The following RFTN1 variants were observed in gnomAD, a reference collection of about 807,000 sequenced individuals.
The protein encoded by RFTN1 is raftlin, lipid raft linker 1.
A neutral mutation model predicts 46.5 loss-of-function variants in RFTN1; 26 were observed. The ratio of observed to expected loss-of-function variants is 0.56; its 90% CI spans 0.41 to 0.78. The LOEUF is 0.78. Ranked by LOEUF, RFTN1 falls within the 30% of genes least tolerant of loss-of-function variation. The probability of loss-of-function intolerance (pLI) is 0.00; values close to 1 mark genes in which losing one functional copy is unlikely to be tolerated. For synonymous variants in RFTN1, 261 were observed against 284.2 expected (o/e 0.92, Z 0.82); for missense variants, 693 against 718.7 (o/e 0.96, Z 0.41).
At chr3:16,501,675 T>A (rs1412636653) in intron 1 of RFTN1, among the ~76,000 whole-genome samples, 2 of 152,258 alleles carry the variant, frequency 1.3e-5, no homozygotes, top group East Asian at 3.8e-4. Flanking sequence ...GACGCAAGCA[T>A]GTTTATTACT....
At chr3:16,432,518 A>G (rs543129096) in intron 3 of RFTN1, among the ~76,000 whole-genome samples, 3 of 152,216 alleles carry the variant, frequency 2.0e-5, no homozygotes, top group South Asian at 2.1e-4. Flanking sequence ...ACCCCATCTC[A>G]AGGAAATAAA....
At chr3:16,467,731 T>G (rs1375281380) in intron 2 of RFTN1, among the ~76,000 whole-genome samples, 1 of 152,086 alleles carries the variant, frequency 6.6e-6, no homozygotes, top group Non-Finnish European at 1.5e-5. Flanking sequence ...TTCAGGGGCA[T>G]GCAAGTGAAT....
At chr3:16,415,994 G>A (rs970426690) in intron 3 of RFTN1, 5 of 270,834 alleles carry the variant, frequency 1.8e-5, no homozygotes, top group Non-Finnish European at 3.7e-5. Flanking sequence ...GAATAGCTTG[G>A]CTCCTTGAAA....
Position 16,402,615 on chromosome 3 carries a change from A to T in RFTN1, c.441+6760T>A, listed in dbSNP as rs1270363204. On this transcript the variant is annotated intron_variant, in intron 4 of 9. Transcript: ENST00000334133. The surrounding 1 kb of genome is among the most constrained non-coding windows in gnomAD (Gnocchi z 4.5). Reference sequence around the variant, plus strand: ...AGAAATGAAACTCTGAATACTCAACAATCAGCCAGAAAGTAAATGATGAGT... The same window carrying T: ...AGAAATGAAACTCTGAATACTCAACTATCAGCCAGAAAGTAAATGATGAGT... Among the ~76,000 whole-genome samples the T allele has an allele frequency of 6.6e-6, 1 of 152,198 alleles. No individual in the cohort carries two copies. The highest frequency in any genetic ancestry group is 2.4e-5 in the African/African-American group (1 of 41,448).
Position 16,418,259 on chromosome 3 carries a change from G to T in RFTN1, c.333-8776C>A, listed in dbSNP as rs1192254136. On this transcript the variant is annotated intron_variant, in intron 3 of 9. Transcript: ENST00000334133. This position sits in a 1 kb window ranked among gnomAD's most constrained non-coding sequence, Gnocchi z 5.0. ...GGCCACTAAAAAACAATTGCCTGTC[G>T]AAAAACTATTATAAACTATACTTCT... Among the ~76,000 whole-genome samples the T allele has an allele frequency of 6.6e-6, 1 of 152,116 alleles. No individual in the cohort carries two copies. The highest frequency in any genetic ancestry group is 2.4e-5 in the African/African-American group (1 of 41,428).
intron 3 of RFTN1, among the ~76,000 whole-genome samples, chr3:16,417,959 G>A (rs1325098724): frequency 3.3e-5 from 5 of 152,066 alleles, no homozygotes; most frequent in Admixed American, 2.0e-4. Flanking sequence ...CCTCCAGCTC[G>A]GCATCCCAAA....
intron 7 of RFTN1, among the ~76,000 whole-genome samples, chr3:16,340,804 A>G (rs1477986019): frequency 1.3e-5 from 2 of 152,154 alleles, no homozygotes; most frequent in Non-Finnish European, 2.9e-5. Flanking sequence ...CAAAGGTGAA[A>G]TTTGTTTCCG....
At chr3:16,414,599 A>T in intron 3 of RFTN1, among the ~76,000 whole-genome samples, 2 of 138,242 alleles carry the variant, frequency 1.4e-5, no homozygotes, top group Non-Finnish European at 3.2e-5. Flanking sequence ...GTGAGACTTC[A>T]TCTCAAAAAA....
rs531242901 is a variant in RFTN1, at chr3:16,337,881, C to T, written c.1147-11005G>A. ...CACCTAGCCCTTATTTGCTCCAGGC[C>T]GGACACTTTGGCCTTGCATTACCTC... On this transcript the variant is annotated intron_variant, in intron 7 of 9. Transcript: ENST00000334133. This position sits in a 1 kb window ranked among gnomAD's most constrained non-coding sequence, Gnocchi z 5.0. 9.9e-5 allele frequency among the ~76,000 whole-genome samples: 15 copies of T among 152,200 alleles called. No homozygotes were observed. Among genetic ancestry groups the T allele is most frequent in the East Asian group, 1.9e-4 (1 of 5,200 alleles).
In RFTN1 at chr3:16,445,483, TCACACACACACACACACA is replaced by T. The variant is rs10681518; in HGVS notation, c.146-11464_146-11447del. ...TTCTCTCTTTCTCTCTCTCTCTCTC[TCACACACACACACACACA>T]CACACACACACACACACACAGCTCT... On this transcript the variant is annotated intron_variant, in intron 2 of 9. Transcript: ENST00000334133. Among the ~76,000 whole-genome samples the T allele has an allele frequency of 6.0e-3, 763 of 126,860 alleles. 10 individuals are homozygous for T. The highest frequency in any genetic ancestry group is 0.022 in the African/African-American group (716 of 32,716). The allele number at this position is 126,860 out of a possible 152,430, so 83.2% of individuals were successfully genotyped here. A position where few individuals can be genotyped will look rare whatever the true frequency, so the allele number is the denominator to read the frequency against.
At chr3:16,503,092 C>T (rs1253285948) in intron 1 of RFTN1, among the ~76,000 whole-genome samples, 1 of 152,166 alleles carries the variant, frequency 6.6e-6, no homozygotes, top group Non-Finnish European at 1.5e-5. Context: ...CTTACCCCCA[C>T]TCCTCCAACT....
chr3:16,509,232 G>T lies in RFTN1; in HGVS notation c.-9+4210C>A, dbSNP rs1279868559. ...CAAAAAAAAACTAAAGAAAATGATTGCAGTGTATCATTTCCTGTAACGCTG... is the reference window on the plus strand; with the variant it reads ...CAAAAAAAAACTAAAGAAAATGATTTCAGTGTATCATTTCCTGTAACGCTG... On this transcript the variant is annotated intron_variant, in intron 1 of 9. Transcript: ENST00000334133. This position sits in a 1 kb window ranked among gnomAD's most constrained non-coding sequence, Gnocchi z 4.9. Among the ~76,000 whole-genome samples, 1 of 152,106 alleles carries T rather than the reference G, an allele frequency of 6.6e-6. No homozygotes were observed. Among genetic ancestry groups the T allele is most frequent in the East Asian group, 1.9e-4 (1 of 5,196 alleles).
chr3:16,358,044 G>A lies in RFTN1; in HGVS notation c.1034C>T (p.Ser345Phe). ...TACTCCATCTGTCAAGCCATGTAAGGAATCTGTGGAAAAAGAAAAAGGCGG... is the reference window on the plus strand; with the variant it reads ...TACTCCATCTGTCAAGCCATGTAAGAAATCTGTGGAAAAAGAAAAAGGCGG... ...AVFYLGIVND[S>F]LHGLTDGVFI... Residue 345 changes from serine to phenylalanine, a missense_variant, in exon 7 of 10, where the codon TCC becomes TTC. Ser to Phe is a radical substitution (Grantham distance 155). Coordinates refer to ENST00000334133, the MANE Select transcript of RFTN1 (RefSeq NM_015150.2). 2.3e-6 allele frequency: 2 copies of A among 871,854 alleles called. No homozygotes were observed. Among genetic ancestry groups the A allele is most frequent in the Non-Finnish European group, 3.4e-6 (2 of 585,180 alleles). 54.0% of individuals were successfully genotyped at this position (871,854 alleles called of 1,614,324 possible).
Position 16,316,908 on chromosome 3 carries a change from C to T in RFTN1, c.1657G>A (p.Gly553Arg). 6.2e-7 allele frequency: 1 copy of T among 1,614,136 alleles called. No homozygotes were observed. The highest frequency in any genetic ancestry group is 1.1e-5 in the South Asian group (1 of 91,084). ...GCATCCTCTCCAGGATTGGAGTGCC[C>T]AGTGCAAATCCCCACCAGGGCCCTG... ...HSRALVGICT[G>R]HSNPGEDARD... Residue 553 changes from glycine (G) to arginine (R), a missense_variant, in exon 10 of 10, where the codon GGG becomes AGG. Coordinates refer to ENST00000334133, the MANE Select transcript of RFTN1 (RefSeq NM_015150.2). The surrounding 1 kb of genome is among the most constrained non-coding windows in gnomAD (Gnocchi z 4.5).
At chr3:16,482,359 G>C (rs2076380755) in intron 2 of RFTN1, among the ~76,000 whole-genome samples, 1 of 152,192 alleles carries the variant, frequency 6.6e-6, no homozygotes, top group Non-Finnish European at 1.5e-5. Context: ...CAACCACTCA[G>C]TCTATTCTCA....
intron 7 of RFTN1, among the ~76,000 whole-genome samples, chr3:16,330,535 T>G (rs2070207766): frequency 6.6e-6 from 1 of 152,238 alleles, no homozygotes; most frequent in Non-Finnish European, 1.5e-5. Context: ...AAAGCCAGCC[T>G]GCTTATCAAA....
At chr3:16,328,030 T>C (rs544598064) in intron 7 of RFTN1, among the ~76,000 whole-genome samples, 46 of 152,354 alleles carry the variant, frequency 3.0e-4, no homozygotes, top group African/African-American at 1.0e-3. Context: ...CCACCCTGTA[T>C]GCCCACATAG....
Position 16,353,117 on chromosome 3 carries a change from G to A in RFTN1, c.1146+4815C>T, listed in dbSNP as rs1559850805. Among the ~76,000 whole-genome samples the A allele has an allele frequency of 6.6e-6, 1 of 152,186 alleles. No homozygotes were observed. Among genetic ancestry groups the A allele is most frequent in the African/African-American group, 2.4e-5 (1 of 41,444 alleles). On this transcript the variant is annotated intron_variant, in intron 7 of 9. Coordinates refer to ENST00000334133, the MANE Select transcript of RFTN1 (RefSeq NM_015150.2). The surrounding 1 kb of genome is among the most constrained non-coding windows in gnomAD (Gnocchi z 5.4). Reference sequence around the variant, plus strand: ...AGAAAGAGCTGGGCAGGGACGTTTTGTGGTCGGAGAGCTAGAGATTATAGG... The same window carrying A: ...AGAAAGAGCTGGGCAGGGACGTTTTATGGTCGGAGAGCTAGAGATTATAGG...
intron 2 of RFTN1, among the ~76,000 whole-genome samples, chr3:16,470,494 G>C (rs993550929): frequency 6.6e-6 from 1 of 152,178 alleles, no homozygotes. Flanking sequence ...AGAACACAGG[G>C]CTACTTCAGC....
Sources: allele counts gnomAD v4.1 joint callset (sites outside exome capture counted in the v4.1 genomes callset), GRCh38; gene constraint gnomAD v4.1.1; non-coding constraint Gnocchi (gnomAD v3.1); transcripts MANE v1.5; gene names NCBI Gene and HGNC (gene_info 2026-07-23, HGNC 2026-07-21).